SPIDR: variants seen among roughly 807,000 people sequenced by gnomAD.
SPIDR encodes the protein scaffold protein involved in DNA repair, also known as DNA repair-scaffolding protein.
Under a neutral mutation model 104.6 loss-of-function variants are expected in SPIDR, and 93 were observed. The ratio of observed to expected loss-of-function variants is 0.89; its 90% confidence interval spans 0.75 to 1.06. The LOEUF (loss-of-function observed/expected upper bound fraction) is 1.06, where lower values mean the gene tolerates loss of function less well. Ranked by LOEUF, SPIDR falls within the 50% of genes least tolerant of loss-of-function variation. The pLI is 0.00. For missense variants in SPIDR, 1,154 were observed against 1,111.2 expected, an observed-to-expected ratio of 1.04 and a Z score of -0.55; for synonymous variants, 431 against 416.9, an observed-to-expected ratio of 1.03 and a Z score of -0.41.
chr8:47,686,230 C>T (rs765666231), intron 11 of SPIDR, among the ~76,000 whole-genome samples: 6 of 152,090 alleles, frequency 3.9e-5, no homozygotes, highest in African/African-American at 9.7e-5. Flanking sequence ...TTCTTCCTCT[C>T]GGGTTAATAG....
chr8:47,511,414 A>G (rs1466577049), intron 8 of SPIDR: 4 of 828,230 alleles, frequency 4.8e-6, no homozygotes, highest in Non-Finnish European at 2.1e-6. Flanking sequence ...TTTGGACTTC[A>G]TAAAGTCCTC....
intron 8 of SPIDR, among the ~76,000 whole-genome samples, chr8:47,582,166 G>T (rs1420777852): frequency 6.7e-6 from 1 of 149,756 alleles, no homozygotes; most frequent in Non-Finnish European, 1.5e-5. Context: ...GCGGTGAGCC[G>T]CCAAGATTGC....
At chr8:47,498,842 G>T (rs138505438) in intron 8 of SPIDR, among the ~76,000 whole-genome samples, 5 of 152,114 alleles carry the variant, frequency 3.3e-5, no homozygotes, top group Non-Finnish European at 7.4e-5. Flanking sequence ...AGTAATTGCC[G>T]TGCCCTTACT....
At chr8:47,366,540 G>A (rs1306994805) in intron 5 of SPIDR, among the ~76,000 whole-genome samples, 1 of 152,204 alleles carries the variant, frequency 6.6e-6, no homozygotes, top group African/African-American at 2.4e-5. Context: ...TCAGAGTGGC[G>A]AGGAAGGGCA....
At chr8:47,625,631 T>C (rs1051759394) in intron 10 of SPIDR, among the ~76,000 whole-genome samples, 3 of 152,026 alleles carry the variant, frequency 2.0e-5, no homozygotes, top group Non-Finnish European at 4.4e-5. Flanking sequence ...TGAACTCCCA[T>C]TCACAATTGC....
At chr8:47,681,924 T>G (rs1296086189) in intron 11 of SPIDR, among the ~76,000 whole-genome samples, 1 of 152,202 alleles carries the variant, frequency 6.6e-6, no homozygotes, top group Non-Finnish European at 1.5e-5. Flanking sequence ...AAGTTTTAGT[T>G]TCTTCATTTT....
chr8:47,504,733 T>C (rs1295095207), intron 8 of SPIDR, among the ~76,000 whole-genome samples: 3 of 152,190 alleles, frequency 2.0e-5, no homozygotes, highest in Non-Finnish European at 4.4e-5. Context: ...GTTTCCAGTT[T>C]TTCTGCTCTG....
At chr8:47,489,141 A>G (rs1424009598) in intron 8 of SPIDR, among the ~76,000 whole-genome samples, 1 of 152,266 alleles carries the variant, frequency 6.6e-6, no homozygotes, top group East Asian at 1.9e-4. Context: ...GCTGATAAGC[A>G]ACTTCAGCAA....
chr8:47,598,297 T>A (rs1342797809), intron 9 of SPIDR, among the ~76,000 whole-genome samples: 1 of 152,198 alleles, frequency 6.6e-6, no homozygotes, highest in Non-Finnish European at 1.5e-5. Flanking sequence ...TTGGGCAAGA[T>A]CTGTGGTCTC....
At chr8:47,396,747 A>T in intron 6 of SPIDR, 121 bp downstream of exon 6, 1 of 1,060,574 alleles carries the variant, frequency 9.4e-7, no homozygotes, top group Non-Finnish European at 1.4e-6. Context: ...GAGCTGATTA[A>T]TGGAATGTTC....
chr8:47,688,204 A>G lies in SPIDR; in HGVS notation c.1686-12199A>G, dbSNP rs547373590. Among the ~76,000 whole-genome samples the G allele has an allele frequency of 1.9e-4, 29 of 152,074 alleles. No individual in the cohort carries two copies. The South Asian group carries it at 6.0e-3, about 32-fold the overall frequency. On this transcript the variant is annotated intron_variant, in intron 11 of 19. Transcript: ENST00000297423. ...GAGTGCAGTGGTGCAATCTTGGCTC[A>G]CTGCAAGCCCCGCCTCCTGGATTCA... is the stretch of plus-strand genomic sequence containing the variant.
At chr8:47,573,409 G>A (rs1391436248) in intron 8 of SPIDR, among the ~76,000 whole-genome samples, 2 of 152,212 alleles carry the variant, frequency 1.3e-5, no homozygotes, top group African/African-American at 4.8e-5. Flanking sequence ...CTGTGATAAG[G>A]CAGGAAGGTC....
chr8:47,701,128 T>C (rs1024341571), intron 12 of SPIDR, among the ~76,000 whole-genome samples: 1 of 152,208 alleles, frequency 6.6e-6, no homozygotes, highest in Non-Finnish European at 1.5e-5. Flanking sequence ...GACCCTGAAC[T>C]GTGCTAAACA....
intron 5 of SPIDR, among the ~76,000 whole-genome samples, chr8:47,324,734 A>C (rs2047375012): frequency 6.6e-6 from 1 of 152,206 alleles, no homozygotes; most frequent in South Asian, 2.1e-4. Context: ...GTCTAGGTTG[A>C]TTATATTGCT....
intron 10 of SPIDR, among the ~76,000 whole-genome samples, chr8:47,657,693 G>A (rs530638500): frequency 5.9e-5 from 9 of 151,900 alleles, no homozygotes; most frequent in Non-Finnish European, 1.3e-4. Context: ...TATTTCTTAG[G>A]ACTGCATGTG....
At chr8:47,603,435 C>A (rs147258284) in intron 10 of SPIDR, among the ~76,000 whole-genome samples, 1,707 of 152,138 alleles carry the variant, frequency 0.011, 36 homozygotes, top group African/African-American at 0.039. Flanking sequence ...GCTCTGTTGC[C>A]TAGGCTGGAG....
At chr8:47,640,720 C>T (rs2068742734) in intron 10 of SPIDR, among the ~76,000 whole-genome samples, 1 of 151,854 alleles carries the variant, frequency 6.6e-6, no homozygotes, top group Non-Finnish European at 1.5e-5. Flanking sequence ...CTCTATCGCC[C>T]AGGCTGGAGT....
chr8:47,491,384 T>C (rs1416626866), intron 8 of SPIDR, among the ~76,000 whole-genome samples: 6 of 152,134 alleles, frequency 3.9e-5, no homozygotes, highest in Admixed American at 6.5e-5. Context: ...GATCCAGACC[T>C]ATTTAGAATT....
At chr8:47,488,658 C>A (rs2078122803) in intron 8 of SPIDR, among the ~76,000 whole-genome samples, 1 of 152,182 alleles carries the variant, frequency 6.6e-6, no homozygotes, top group African/African-American at 2.4e-5. Flanking sequence ...CCACCATGAT[C>A]AAGTGGGCTT....
Sources: allele counts gnomAD v4.1 joint callset (sites outside exome capture counted in the v4.1 genomes callset), GRCh38; gene constraint gnomAD v4.1.1; transcripts MANE v1.5; gene names NCBI Gene and HGNC (gene_info 2026-07-23, HGNC 2026-07-21).